The following PRSS23 variants were observed in gnomAD, a reference collection of about 807,000 sequenced individuals.
PRSS23 encodes protease, serine 23.
A neutral mutation model predicts 34.7 loss-of-function variants in PRSS23; 25 were observed. The observed-to-expected ratio is 0.72, with a 90% CI of 0.53 to 1.01. The LOEUF (loss-of-function observed/expected upper bound fraction) is 1.01. PRSS23 is among the 50% of genes least tolerant of loss of function. The pLI, the probability that PRSS23 is intolerant of heterozygous loss-of-function variation, is 0.00. For missense variants in PRSS23, 445 were observed against 475.6 expected (o/e 0.94, Z 0.60); for synonymous variants, 176 against 186.6 (o/e 0.94, Z 0.46).
At chr11:86,854,147 T>C (rs1003653576) in intron 2 of PRSS23, among the ~76,000 whole-genome samples, 5 of 152,156 alleles carry the variant, frequency 3.3e-5, no homozygotes, top group African/African-American at 1.2e-4. Context: ...ACTATAGGCA[T>C]CTGCCACCAC....
chr11:86,863,831 A>T (rs1205736839), intron 2 of PRSS23, among the ~76,000 whole-genome samples: 2 of 152,198 alleles, frequency 1.3e-5, no homozygotes, highest in African/African-American at 4.8e-5. Flanking sequence ...TATAAATCCA[A>T]ATTTAATTCT....
At chr11:86,917,581 G>C (rs1203014157) in intron 2 of PRSS23, among the ~76,000 whole-genome samples, 3 of 152,192 alleles carry the variant, frequency 2.0e-5, no homozygotes, top group Admixed American at 6.5e-5. Context: ...TTTTCTTGCA[G>C]CAAGAGGAAT....
At position 86,833,359 on chromosome 11, in the gene PRSS23, A is replaced by C. The variant is rs565928384; in HGVS notation, c.206+9766A>C. The C allele has an allele frequency of 6.6e-5, 56 of 844,334 alleles. No homozygotes were observed. The East Asian group carries it at 1.5e-3, about 23-fold the overall frequency. 52.3% of individuals were successfully genotyped at this position (844,334 alleles called of 1,614,324 possible). ...ATTCTCCAGCACCATGACTAGGTAC[A>C]TGAACAGGAACAGCCCAGCGAGGGC... On this transcript the variant is annotated intron_variant, in intron 2 of 2. Transcript: ENST00000533902.
chr11:86,815,635 A>G (rs963991056), downstream of PRSS23, among the ~76,000 whole-genome samples: 6 of 152,212 alleles, frequency 3.9e-5, no homozygotes, highest in African/African-American at 1.4e-4. Flanking sequence ...CCTCTTCTAC[A>G]AGACTATGAG....
chr11:86,945,796 T>C (rs549067034), intron 2 of PRSS23: 1 of 152,772 alleles, frequency 6.5e-6, no homozygotes, highest in South Asian at 2.1e-4. Flanking sequence ...CTTTTGTACA[T>C]CCTTAAAAGC....
intron 2 of PRSS23, among the ~76,000 whole-genome samples, chr11:86,893,340 A>G (rs900197069): frequency 3.9e-5 from 6 of 152,196 alleles, no homozygotes; most frequent in Non-Finnish European, 5.9e-5. Flanking sequence ...ACTAATACAT[A>G]TAAGTATCTG....
At chr11:86,848,143 A>G (rs983655220) in intron 2 of PRSS23, among the ~76,000 whole-genome samples, 3 of 152,246 alleles carry the variant, frequency 2.0e-5, no homozygotes, top group Non-Finnish European at 2.9e-5. Flanking sequence ...AAATAAAGGC[A>G]GATTTAGGGA....
At chr11:86,923,920 G>A (rs1484535581) in intron 2 of PRSS23, among the ~76,000 whole-genome samples, 1 of 152,146 alleles carries the variant, frequency 6.6e-6, no homozygotes, top group African/African-American at 2.4e-5. Flanking sequence ...GCTTTGGCTT[G>A]GTTATTCCCT....
At chr11:86,819,661 G>A (rs925159182) in intron 1 of PRSS23, among the ~76,000 whole-genome samples, 1 of 152,134 alleles carries the variant, frequency 6.6e-6, no homozygotes, top group Admixed American at 6.6e-5. Context: ...ACTGTGTATA[G>A]ACACTCTCTC....
chr11:86,792,229 G>C (rs1162049983), intron 1 of PRSS23, among the ~76,000 whole-genome samples: 2 of 152,176 alleles, frequency 1.3e-5, no homozygotes, highest in Middle Eastern at 3.4e-3. Flanking sequence ...AAGAGGTCAG[G>C]GTGCTTCTTT....
Position 86,951,562 on chromosome 11 carries a change from A to G in PRSS23, c.*277A>G, listed in dbSNP as rs147766472. The G allele has an allele frequency of 1.8e-4, 287 of 1,614,200 alleles. No individual in the cohort carries two copies. The African/African-American group carries it at 2.4e-3, about 13-fold the overall frequency. ...CAATGAACAAAGTTCCAATGACCAA[A>G]TAAGTAAAGAGGGGAGCCACCACGA... is the stretch of plus-strand genomic sequence containing the variant. On this transcript the variant is annotated 3_prime_UTR_variant, in exon 3 of 3. Coordinates refer to the PRSS23 transcript ENST00000533902.
At chr11:86,926,397 C>T (rs1460494589) in intron 2 of PRSS23, among the ~76,000 whole-genome samples, 1 of 152,022 alleles carries the variant, frequency 6.6e-6, no homozygotes, top group Non-Finnish European at 1.5e-5. Flanking sequence ...TATAAATAAA[C>T]TTCACCCTAA....
chr11:86,927,583 G>T (rs953868116), intron 2 of PRSS23, among the ~76,000 whole-genome samples: 1 of 152,062 alleles, frequency 6.6e-6, no homozygotes, highest in Non-Finnish European at 1.5e-5. Context: ...CTAAGCTCAA[G>T]CAGTCCTCCC....
chr11:86,951,937 C>G (rs1406278067), exon 3 of PRSS23: 1 of 1,613,826 alleles, frequency 6.2e-7, no homozygotes, highest in Non-Finnish European at 8.5e-7. Context: ...GGCCTACAGT[C>G]AGCCTGACAA....
chr11:86,793,858 TC>T lies in PRSS23; in HGVS notation c.-14+2664del, dbSNP rs143101607. ...GACAGATTTCCTACTCATAAGGAGC[TC>T]TGGACTGCTTGAGTTTCAACATGTA... On this transcript the variant is annotated intron_variant, in intron 1 of 1. Transcript: ENST00000527521. 4.0e-4 allele frequency among the ~76,000 whole-genome samples: 61 copies of T among 152,280 alleles called. No homozygotes were observed. The East Asian group carries it at 0.012, about 29-fold the overall frequency.
chr11:86,912,692 C>T (rs1336817304), intron 2 of PRSS23, among the ~76,000 whole-genome samples: 1 of 152,038 alleles, frequency 6.6e-6, no homozygotes, highest in Non-Finnish European at 1.5e-5. Flanking sequence ...TAAGTCTATT[C>T]TCATGTCCTT....
chr11:86,890,125 GC>G (rs1254533454), intron 2 of PRSS23, among the ~76,000 whole-genome samples: 1 of 152,038 alleles, frequency 6.6e-6, no homozygotes, highest in African/African-American at 2.4e-5. Context: ...AAAAAAATTA[GC>G]CAGGTGTGGT....
chr11:86,860,461 C>T (rs989473088), intron 2 of PRSS23, among the ~76,000 whole-genome samples: 12 of 151,142 alleles, frequency 7.9e-5, no homozygotes, highest in African/African-American at 2.9e-4. Flanking sequence ...TGATATTGTT[C>T]CTAATATCAA....
intron 2 of PRSS23, among the ~76,000 whole-genome samples, chr11:86,824,330 A>AAAAATAAAATAAAATAAAAT (rs55920841): frequency 0.071 from 9,375 of 132,826 alleles, 434 homozygotes; most frequent in South Asian, 0.1. Flanking sequence ...AAATAAAAAT[A>AAAAATAAAATAAAATAAAAT]AAAATAAAAT....
Sources: gnomAD v4.1 joint callset for allele counts (sites outside exome capture counted in the v4.1 genomes callset) on GRCh38, gnomAD v4.1.1 for gene constraint, MANE v1.5 for transcripts, NCBI Gene and HGNC (gene_info 2026-07-23, HGNC 2026-07-21) for gene names.